The following ANLN variants were observed in gnomAD, a reference collection of about 807,000 sequenced individuals.
ANLN encodes the protein anillin, actin binding protein.
In ANLN, 59 loss-of-function variants were observed where a neutral mutation model predicts 135.1. That is an observed-to-expected ratio of 0.44 (90% CI 0.35 to 0.54). The LOEUF is 0.54. Among genes scored for constraint, ANLN ranks in the 20% least tolerant of loss-of-function variants. The pLI is 0.00. For synonymous variants in ANLN, 406 were observed against 456.4 expected (o/e 0.89, Z 1.41); for missense variants, 1,182 against 1,340.0 (o/e 0.88, Z 1.84).
chr7:36,424,524 C>T, intron 15 of ANLN, 21 bp from the exon 16 acceptor site: 1 of 1,583,308 alleles, frequency 6.3e-7, no homozygotes, highest in Non-Finnish European at 8.6e-7. Flanking sequence ...CAAGGTTTTA[C>T]TTAATGCTTT....
intron 23 of ANLN, 45 bp downstream of exon 23, chr7:36,449,882 T>G (rs1360605026): frequency 6.4e-7 from 1 of 1,566,318 alleles, no homozygotes; most frequent in African/African-American, 1.4e-5. Context: ...AGCAATTGAT[T>G]GCCCACTATG....
chr7:36,396,125 T>G, intron 1 of ANLN, 141 bp from the exon 2 acceptor site: 1 of 559,488 alleles, frequency 1.8e-6, no homozygotes. Flanking sequence ...TAGTGAATCT[T>G]GACATAATTG....
chr7:36,441,573 A>C (rs1300426821), intron 21 of ANLN, among the ~76,000 whole-genome samples: 2 of 152,200 alleles, frequency 1.3e-5, no homozygotes, highest in African/African-American at 4.8e-5. Flanking sequence ...CTCTGCCTCC[A>C]CTGAGGAGCA....
chr7:36,452,509 G>A lies in ANLN; in HGVS notation c.3284G>A (p.Arg1095Gln), dbSNP rs1485112385. The A allele has an allele frequency of 4.3e-6, 7 of 1,614,012 alleles. No individual in the cohort carries two copies. The highest frequency in any genetic ancestry group is 2.2e-5 in the East Asian group (1 of 44,866). Residue 1095 changes from arginine (R) to glutamine (Q), a missense_variant, in exon 24 of 24, where the codon CGG becomes CAG. Coordinates refer to ENST00000265748, the MANE Select transcript of ANLN (RefSeq NM_018685.5). ...CTGTCTGCAGATACTAAAGAAGAGC[G>A]GGATCTCTGGATGCAAAAACTCAAT... ...NWLSADTKEE[R>Q]DLWMQKLNQV...
rs935813829 is a variant in ANLN at position 36,449,671 on chromosome 7, A to G, written c.3085A>G (p.Ile1029Val). The G allele has an allele frequency of 2.5e-6, 4 of 1,611,812 alleles. No homozygotes were observed. Among genetic ancestry groups the G allele is most frequent in the East Asian group, 2.2e-5 (1 of 44,824 alleles). ...TCTTAATTTGTTTTTAAAGAATCCC[A>G]TAGGAAGGATAAATCTGGCTAATTG... The part of the protein sequence containing the change: ...YPDDEKRKNP[I>V]GRINLANCTS... Residue 1029 changes from isoleucine (I) to valine (V), a missense_variant, in exon 23 of 24, where the codon ATA (isoleucine) becomes GTA (valine). This residue lies in a region of ANLN where 82 missense variants were observed against 133.3 expected (regional missense o/e 0.62). Transcript: ENST00000265748.
chr7:36,410,455 A>G (rs1015170968), intron 5 of ANLN, 59 bp from the exon 6 acceptor site: 1 of 1,431,814 alleles, frequency 7.0e-7, no homozygotes, highest in African/African-American at 1.4e-5. Flanking sequence ...CTTTTTCCAT[A>G]GAAATCGTAA....
At chr7:36,450,066 T>C (rs1789182472) in intron 23 of ANLN, among the ~76,000 whole-genome samples, 1 of 152,238 alleles carries the variant, frequency 6.6e-6, no homozygotes, top group African/African-American at 2.4e-5. Flanking sequence ...TTTTCCAGTA[T>C]GCTCACAGTG....
At chr7:36,440,107 G>C (rs1429240005) in intron 21 of ANLN, among the ~76,000 whole-genome samples, 1 of 151,486 alleles carries the variant, frequency 6.6e-6, no homozygotes, top group Non-Finnish European at 1.5e-5. Flanking sequence ...CTGGAAACAT[G>C]TGTGAAAGTT....
intron 20 of ANLN, among the ~76,000 whole-genome samples, 188 bp downstream of exon 20, chr7:36,427,216 A>G (rs1201559728): frequency 7.0e-6 from 1 of 143,656 alleles, no homozygotes; most frequent in African/African-American, 2.6e-5. Context: ...TCTTGGAAGT[A>G]TGTCTCCCTT....
intron 21 of ANLN, among the ~76,000 whole-genome samples, chr7:36,443,404 T>C (rs1029346938): frequency 9.2e-5 from 14 of 152,202 alleles, no homozygotes; most frequent in African/African-American, 3.1e-4. Context: ...ATATAAGGTA[T>C]GGTAATTTTG....
In ANLN at chr7:36,410,648, T is replaced by G. The variant is rs772042458; in HGVS notation, c.1231T>G (p.Leu411Val). The G allele has an allele frequency of 1.2e-6, 2 of 1,614,046 alleles. No individual in the cohort carries two copies. The highest frequency in any genetic ancestry group is 1.1e-5 in the South Asian group (1 of 91,080). Residue 411 changes from leucine (L) to valine (V), a missense_variant, in exon 6 of 24, where the codon TTA becomes GTA. Physicochemically the swap from Leu to Val is conservative, Grantham distance 32. Around this residue, in one of 3 missense-constraint regions of ANLN, gnomAD observed 1,022 missense variants for 1,134.0 expected, o/e 0.90. Coordinates refer to ENST00000265748, the MANE Select transcript of ANLN (RefSeq NM_018685.5). ...TPNTKAIQER[L>V]FKQDTSSSTT... is the part of the protein sequence containing the mutation. ...AAATACAAAGGCCATCCAAGAAAGA[T>G]TATTCAAGCAAGACACATCTTCATC...
At chr7:36,390,117 T>C (rs201146010) in intron 1 of ANLN, 73 bp downstream of exon 1, 4 of 1,606,426 alleles carry the variant, frequency 2.5e-6, no homozygotes, top group East Asian at 2.2e-5. Context: ...TCTGTCAACC[T>C]CTGGGCGAAC....
intron 13 of ANLN, 86 bp downstream of exon 13, chr7:36,422,078 G>C (rs1787899114): frequency 2.1e-6 from 3 of 1,462,434 alleles, no homozygotes; most frequent in Non-Finnish European, 2.8e-6. Flanking sequence ...TAAGTTTAGA[G>C]AAAGGGCTTT....
chr7:36,413,236 T>C (rs1787500667), intron 7 of ANLN, among the ~76,000 whole-genome samples: 1 of 152,162 alleles, frequency 6.6e-6, no homozygotes, highest in South Asian at 2.1e-4. Context: ...TTTGCCTCCA[T>C]GTCATGCAGA....
chr7:36,415,826 A>T lies in ANLN; in HGVS notation c.1464A>T (p.Val488=). Residue 488 remains valine (V), a synonymous_variant, in exon 8 of 24, where the codon GTA becomes GTT. Transcript: ENST00000265748. ...QGVSKTQSLP[V]TEKVTENQIP... is the part of the protein sequence containing the mutation. ...TTTCAAAAACTCAGTCACTTCCAGTAACAGAAAAGGTGACCGAAAACCAGA... is the reference window on the plus strand; with the variant it reads ...TTTCAAAAACTCAGTCACTTCCAGTTACAGAAAAGGTGACCGAAAACCAGA... 6.2e-7 allele frequency: 1 copy of T among 1,610,968 alleles called. No homozygotes were observed. The highest frequency in any genetic ancestry group is 1.1e-5 in the South Asian group (1 of 90,388).
In ANLN at chr7:36,439,298, A is replaced by G. The variant is rs1213502535; in HGVS notation, c.2970+8A>G. 1 of 1,459,750 alleles carries G rather than the reference A, an allele frequency of 6.9e-7. No homozygotes were observed. Among genetic ancestry groups the G allele is most frequent in the Non-Finnish European group, 9.5e-7 (1 of 1,055,312 alleles). The allele number at this position is 1,459,750 out of a possible 1,614,324, so 90.4% of individuals were successfully genotyped here. ...GAAGAAAGAGGTTTTCTAGTAAGTA[A>G]CATCACTTAGTCTTTAACTTCCTTT... On this transcript the variant is annotated splice_region_variant and intron_variant, in intron 21 of 23. Transcript: ENST00000265748.
At chr7:36,412,490 G>T (rs1328632745) in intron 7 of ANLN, among the ~76,000 whole-genome samples, 2 of 151,556 alleles carry the variant, frequency 1.3e-5, no homozygotes, top group East Asian at 3.9e-4. Context: ...CACCACACTT[G>T]GCTAATTTTG....
Position 36,420,192 on chromosome 7 carries a change from G to A in ANLN, c.1893G>A (p.Leu631=). 6.2e-7 allele frequency: 1 copy of A among 1,613,928 alleles called. No individual in the cohort carries two copies. Among genetic ancestry groups the A allele is most frequent in the Admixed American group, 1.7e-5 (1 of 60,014 alleles). Residue 631 remains leucine, a synonymous_variant, in exon 11 of 24, where the codon CTG becomes CTA. Transcript: ENST00000265748. The stretch of plus-strand genomic sequence containing the variant: ...AGAGTTTAGTGTCCACACCTAGACT[G>A]GAATTGAAAGACACCAGCAGAAGTG... ...SPESLVSTPR[L]ELKDTSRSDE... is the part of the protein sequence containing the mutation.
At chr7:36,409,370 A>G (rs1289977547) in intron 5 of ANLN, among the ~76,000 whole-genome samples, 7 of 152,102 alleles carry the variant, frequency 4.6e-5, no homozygotes, top group Admixed American at 4.6e-4. Flanking sequence ...TTTTGCAAAT[A>G]AAGTTTTATT....
Sources: allele counts gnomAD v4.1 joint callset (sites outside exome capture counted in the v4.1 genomes callset), GRCh38; gene constraint gnomAD v4.1.1; regional missense constraint gnomAD v4.1.1; transcripts MANE v1.5; gene names NCBI Gene and HGNC (gene_info 2026-07-23, HGNC 2026-07-21).